The following CADM2 variants were observed in gnomAD, a reference collection of about 807,000 sequenced individuals.
CADM2 encodes the protein cell adhesion molecule 2.
A neutral mutation model predicts 49.8 loss-of-function variants in CADM2; 12 were observed. The ratio of observed to expected loss-of-function variants is 0.24; its 90% CI spans 0.15 to 0.39. The LOEUF is 0.39. Among genes scored for constraint, CADM2 ranks in the 10% least tolerant of loss-of-function variants. The probability of loss-of-function intolerance (pLI) is 1.00; values close to 1 mark genes in which losing one functional copy is unlikely to be tolerated. For missense variants in CADM2, 378 were observed against 492.3 expected (o/e 0.77, Z 2.20); for synonymous variants, 214 against 175.4 (o/e 1.22, Z -1.74).
intron 3 of CADM2, among the ~76,000 whole-genome samples, chr3:85,874,195 T>G (rs1711513161): frequency 6.6e-6 from 1 of 152,206 alleles, no homozygotes; most frequent in South Asian, 2.1e-4. Context: ...AAAACAGAAC[T>G]GTGAAAAATT....
At chr3:85,882,112 A>T (rs1712881631) in intron 3 of CADM2, among the ~76,000 whole-genome samples, 1 of 151,782 alleles carries the variant, frequency 6.6e-6, no homozygotes, top group Non-Finnish European at 1.5e-5. Context: ...CGAAAAGAGG[A>T]TTACTTCCAG....
At chr3:85,063,584 GAA>G (rs1006782087) in intron 1 of CADM2, among the ~76,000 whole-genome samples, 1 of 151,934 alleles carries the variant, frequency 6.6e-6, no homozygotes, top group Admixed American at 6.6e-5. Context: ...GAGAATGAAA[GAA>G]AAGACAACTA....
At chr3:85,845,384 A>T (rs1202794035) in intron 3 of CADM2, among the ~76,000 whole-genome samples, 1 of 151,990 alleles carries the variant, frequency 6.6e-6, no homozygotes, top group Non-Finnish European at 1.5e-5. Context: ...TCCGGAGACC[A>T]CTCTCAGAGT....
chr3:85,725,191 C>T (rs965799943), intron 1 of CADM2, among the ~76,000 whole-genome samples: 1 of 151,724 alleles, frequency 6.6e-6, no homozygotes, highest in African/African-American at 2.4e-5. Flanking sequence ...TATTTTAAAA[C>T]TAGGATGTTC....
chr3:85,834,417 C>CAAGTAAAA (rs2074316870), intron 3 of CADM2, among the ~76,000 whole-genome samples: 1 of 151,388 alleles, frequency 6.6e-6, no homozygotes, highest in African/African-American at 2.4e-5. Flanking sequence ...AGAAAGAATA[C>CAAGTAAAA]AAGTAAAAAA....
intron 1 of CADM2, among the ~76,000 whole-genome samples, chr3:85,347,899 C>T (rs76508707): frequency 0.43 from 65,195 of 151,286 alleles, 15,385 homozygotes; most frequent in East Asian, 0.76. Flanking sequence ...GCTCCGCCTC[C>T]TAGGTTCACG....
At chr3:85,238,971 G>A (rs1398602331) in intron 1 of CADM2, among the ~76,000 whole-genome samples, 1 of 151,582 alleles carries the variant, frequency 6.6e-6, no homozygotes, top group Non-Finnish European at 1.5e-5. Flanking sequence ...GTAACTGAAG[G>A]TTAAAGCCAG....
chr3:85,575,711 T>C (rs1231318738), intron 1 of CADM2, among the ~76,000 whole-genome samples: 2 of 152,220 alleles, frequency 1.3e-5, no homozygotes, highest in Non-Finnish European at 2.9e-5. Context: ...ACAAAAAGTA[T>C]GTTTTGAGAT....
intron 1 of CADM2, among the ~76,000 whole-genome samples, chr3:85,354,773 A>G (rs2031711324): frequency 6.6e-6 from 1 of 152,068 alleles, no homozygotes; most frequent in Non-Finnish European, 1.5e-5. Flanking sequence ...TGGTTATCCC[A>G]CAGGCTGGGA....
At chr3:85,745,075 C>A (rs750377637) in intron 2 of CADM2, among the ~76,000 whole-genome samples, 6 of 151,984 alleles carry the variant, frequency 3.9e-5, no homozygotes, top group Non-Finnish European at 7.4e-5. Flanking sequence ...GGAGACTTTT[C>A]TGGAAGTTTG....
intron 1 of CADM2, among the ~76,000 whole-genome samples, chr3:85,724,533 G>T (rs927939475): frequency 6.6e-6 from 1 of 151,398 alleles, no homozygotes; most frequent in Admixed American, 6.6e-5. Flanking sequence ...ATACAAAATA[G>T]TTCCATACTT....
At chr3:85,186,426 A>C (rs2041066372) in intron 1 of CADM2, among the ~76,000 whole-genome samples, 2 of 152,108 alleles carry the variant, frequency 1.3e-5, no homozygotes, top group Admixed American at 1.3e-4. Flanking sequence ...TTTGTAAAGT[A>C]TTTCATATTT....
rs72905298 is a variant in CADM2, at chr3:85,127,405, T to C, written c.61+167737T>C. On this transcript the variant is annotated intron_variant, in intron 1 of 9. Transcript: ENST00000383699. ...AAACCTCTTGTAAGGACAATGGAGTTCTTGAAATGTGGGCTTTCGTAAAGG... is the reference window on the plus strand; with the variant it reads ...AAACCTCTTGTAAGGACAATGGAGTCCTTGAAATGTGGGCTTTCGTAAAGG... Among the ~76,000 whole-genome samples the C allele has an allele frequency of 6.0e-3, 920 of 152,314 alleles. 14 individuals carry two copies. The highest frequency in any genetic ancestry group is 0.021 in the African/African-American group (856 of 41,572).
chr3:85,859,833 G>A (rs1414150343), intron 3 of CADM2, among the ~76,000 whole-genome samples: 4 of 152,026 alleles, frequency 2.6e-5, no homozygotes, highest in East Asian at 1.9e-4. Context: ...AAGAAAAATC[G>A]TAGAATTTTG....
intron 1 of CADM2, among the ~76,000 whole-genome samples, chr3:85,547,768 T>C (rs778167305): frequency 1.8e-4 from 28 of 152,180 alleles, no homozygotes; most frequent in Non-Finnish European, 3.5e-4. Context: ...AAGGGATCGC[T>C]GGTGCTCATT....
chr3:85,318,760 T>C (rs1044500309), intron 1 of CADM2, among the ~76,000 whole-genome samples: 2 of 152,158 alleles, frequency 1.3e-5, no homozygotes, highest in African/African-American at 4.8e-5. Flanking sequence ...GAAATGATAT[T>C]GAGTTGGATA....
At chr3:85,760,397 C>G (rs565656869) in intron 2 of CADM2, among the ~76,000 whole-genome samples, 2 of 151,546 alleles carry the variant, frequency 1.3e-5, no homozygotes, top group South Asian at 4.2e-4. Flanking sequence ...TCAATTTATC[C>G]TTTTGTACGT....
chr3:85,711,201 A>G (rs547858067), intron 1 of CADM2, among the ~76,000 whole-genome samples: 7 of 152,240 alleles, frequency 4.6e-5, no homozygotes, highest in African/African-American at 1.7e-4. Context: ...GATAATATGA[A>G]CCAGTATCTG....
chr3:85,199,369 A>AGAGAGAGAGAGAGAGAG (rs1559716313), intron 1 of CADM2, among the ~76,000 whole-genome samples: 6,553 of 91,682 alleles, frequency 0.071, 553 homozygotes, highest in African/African-American at 0.23. Flanking sequence ...GTGTGTGTGT[A>AGAGAGAGAGAGAGAGAG]TGAGAGAGAG....
Sources: allele counts gnomAD v4.1 joint callset (sites outside exome capture counted in the v4.1 genomes callset), GRCh38; gene constraint gnomAD v4.1.1; transcripts MANE v1.5; gene names NCBI Gene and HGNC (gene_info 2026-07-23, HGNC 2026-07-21).